The following SLC12A4 variants were observed in gnomAD, a reference collection of about 807,000 sequenced individuals.
SLC12A4 encodes solute carrier family 12 member 4.
SLC12A4 carries 84 observed loss-of-function variants against 119.2 expected under a neutral mutation model. The observed-to-expected ratio is 0.70, with a 90% CI of 0.59 to 0.85. The LOEUF (loss-of-function observed/expected upper bound fraction) is 0.85. SLC12A4 is among the 40% of genes least tolerant of loss of function. The probability of loss-of-function intolerance (pLI) is 0.00; values close to 1 mark genes in which losing one functional copy is unlikely to be tolerated. For synonymous variants in SLC12A4, 599 were observed against 604.6 expected (o/e 0.99, Z 0.14); for missense variants, 1,298 against 1,476.3 (o/e 0.88, Z 1.98).
chr16:67,967,665 C>A (rs1359557013), intron 1 of SLC12A4, among the ~76,000 whole-genome samples: 1 of 152,094 alleles, frequency 6.6e-6, no homozygotes, highest in African/African-American at 2.4e-5. Flanking sequence ...ATGGGGCTTA[C>A]CTCTCGGCCC....
At position 67,945,989 on chromosome 16, in the gene SLC12A4, G is replaced by A. The variant is rs2058341427; in HGVS notation, c.2701C>T (p.His901Tyr). The A allele has an allele frequency of 1.2e-6, 2 of 1,613,956 alleles. No homozygotes were observed. The highest frequency in any genetic ancestry group is 1.1e-5 in the South Asian group (1 of 91,094). ...MKKDLAVFLY[H>Y]LRLEAEVEVV... Reference sequence around the variant, plus strand: ...TCCACCTCGGCCTCAAGGCGCAGATGGTACAGAAAGACAGCCAGGTCCTTC... The same window carrying A: ...TCCACCTCGGCCTCAAGGCGCAGATAGTACAGAAAGACAGCCAGGTCCTTC... The change falls in exon 20 of 24, where the codon CAT becomes TAT. Residue 901 changes from histidine to tyrosine, a missense_variant. By Grantham distance (83) the His-to-Tyr change is moderately conservative. Transcript: ENST00000316341.
chr16:67,963,972 G>T, intron 1 of SLC12A4: 4 of 1,551,424 alleles, frequency 2.6e-6, no homozygotes, highest in African/African-American at 1.4e-5. Flanking sequence ...CTCAGGGACC[G>T]CCCAGGCAGT....
intron 1 of SLC12A4, among the ~76,000 whole-genome samples, 178 bp downstream of exon 1, chr16:67,968,261 A>G (rs905347278): frequency 2.0e-5 from 3 of 151,634 alleles, no homozygotes; most frequent in African/African-American, 4.8e-5. Context: ...GCCGAGGAAA[A>G]TCGTGTCTGC....
Position 67,947,321 on chromosome 16 carries a change from G to A in SLC12A4, c.2072+10C>T, listed in dbSNP as rs373833104. 148 of 1,610,234 alleles carry A rather than the reference G, an allele frequency of 9.2e-5. No homozygotes were observed. Among genetic ancestry groups the A allele is most frequent in the Non-Finnish European group, 1.2e-4 (137 of 1,178,486 alleles). ...CTCTGCGCCCTGGCCAGGGTCTGGC[G>A]GGAACTCACCGCCAGTTCTTGGTGT... On this transcript the variant is annotated intron_variant, in intron 16 of 23. Coordinates refer to ENST00000316341, the MANE Select transcript of SLC12A4 (RefSeq NM_005072.5).
Position 67,952,010 on chromosome 16 carries a change from C to T in SLC12A4, c.945G>A (p.Leu315=). 1 of 1,614,026 alleles carries T rather than the reference C, an allele frequency of 6.2e-7. No individual in the cohort carries two copies. The highest frequency in any genetic ancestry group is 1.1e-5 in the South Asian group (1 of 91,088). Residue 315 remains leucine (L), a synonymous_variant, in exon 8 of 24, where the codon CTG becomes CTA. Coordinates refer to ENST00000316341, the MANE Select transcript of SLC12A4 (RefSeq NM_005072.5). ...CACAGATGTCAAACTGGTCCCGGGA[C>T]AGGGTCCTGTTGCCCAGCATGCATA... ...FPVCMLGNRT[L]SRDQFDICAK... is the part of the protein sequence containing the mutation.
intron 6 of SLC12A4, among the ~76,000 whole-genome samples, chr16:67,953,746 T>A (rs891512996): frequency 2.0e-5 from 3 of 152,160 alleles, no homozygotes; most frequent in Non-Finnish European, 4.4e-5. Context: ...CAAACATAGA[T>A]GCCAACCTGA....
Position 67,944,257 on chromosome 16 carries a change from G to A in SLC12A4, c.*583C>T. ...AAAGGGGCACAGCCTCAGGGAGCCG[G>A]CTCTGGGCCTGGGTTCAGTTCCGCC... On this transcript the variant is annotated 3_prime_UTR_variant, in exon 24 of 24. Transcript: ENST00000316341. The surrounding 1 kb of genome is among the most constrained non-coding windows in gnomAD (Gnocchi z 6.6). 1 of 1,424,592 alleles carries A rather than the reference G, an allele frequency of 7.0e-7. No homozygotes were observed. Among genetic ancestry groups the A allele is most frequent in the Non-Finnish European group, 9.2e-7 (1 of 1,090,070 alleles). 88.2% of individuals were successfully genotyped at this position (1,424,592 alleles called of 1,614,324 possible). A position where few individuals can be genotyped will look rare whatever the true frequency, so the allele number is the denominator to read the frequency against.
At position 67,949,738 on chromosome 16, in the gene SLC12A4, G is replaced by C; in HGVS notation, c.1748+62C>G. On this transcript the variant is annotated intron_variant, in intron 13 of 23. Coordinates refer to ENST00000316341, the MANE Select transcript of SLC12A4 (RefSeq NM_005072.5). The surrounding 1 kb of genome is among the most constrained non-coding windows in gnomAD (Gnocchi z 4.6). ...ACCTCCAACACCAGACGCAGCCACG[G>C]GGAGGTGCTGGGGTTCAGGAAGCCT... 1 of 1,138,474 alleles carries C rather than the reference G, an allele frequency of 8.8e-7. No homozygotes were observed. Among genetic ancestry groups the C allele is most frequent in the East Asian group, 2.4e-5 (1 of 40,978 alleles). 70.5% of individuals were successfully genotyped at this position (1,138,474 alleles called of 1,614,324 possible).
chr16:67,965,326 C>G (rs1456877186), intron 1 of SLC12A4, among the ~76,000 whole-genome samples: 2 of 152,068 alleles, frequency 1.3e-5, no homozygotes, highest in Non-Finnish European at 2.9e-5. Flanking sequence ...AAAAGTGTCT[C>G]CCTTTGATAA....
intron 2 of SLC12A4, chr16:67,962,537 G>A (rs1037357971): frequency 2.6e-5 from 4 of 152,294 alleles, no homozygotes; most frequent in African/African-American, 9.6e-5. Flanking sequence ...GCCCTTGGGG[G>A]CATGTGGAGA....
chr16:67,961,623 C>T lies in SLC12A4; in HGVS notation c.294G>A (p.Glu98=), dbSNP rs761045213. 6.2e-7 allele frequency: 1 copy of T among 1,614,156 alleles called. No homozygotes were observed. Among genetic ancestry groups the T allele is most frequent in the Non-Finnish European group, 8.5e-7 (1 of 1,180,028 alleles). The part of the protein sequence containing the change: ...SYTNLTQGAK[E]HEEAESGEGT... Reference sequence around the variant, plus strand: ...CCTCCCCACTCTCGGCCTCCTCATGCTCTTTGGCGCCCTGGGTGAGGTTGG... The same window carrying T: ...CCTCCCCACTCTCGGCCTCCTCATGTTCTTTGGCGCCCTGGGTGAGGTTGG... The change falls in exon 3 of 24, where the codon GAG becomes GAA. Residue 98 remains glutamate (E), a synonymous_variant. Transcript: ENST00000316341.
Position 67,957,506 on chromosome 16 carries a change from CA to C in SLC12A4, c.544+235del, listed in dbSNP as rs1475796982. On this transcript the variant is annotated intron_variant, in intron 5 of 23. Transcript: ENST00000316341. The stretch of plus-strand genomic sequence containing the variant: ...TTCAAACCCTCTTACAGTAAACATA[CA>C]TTGCCCTTTTTTTTTCTTTTTTGGT... The C allele has an allele frequency of 7.1e-6, 4 of 567,214 alleles. No individual in the cohort carries two copies. The East Asian group carries it at 9.0e-5, about 13-fold the overall frequency. The allele number at this position is 567,214 out of a possible 1,614,324, so 35.1% of individuals were successfully genotyped here.
At chr16:67,963,394 G>T in intron 2 of SLC12A4, 71 bp downstream of exon 2, 1 of 968,574 alleles carries the variant, frequency 1.0e-6, no homozygotes, top group Non-Finnish European at 1.5e-6. Context: ...GGAGGCCCAC[G>T]TGTCCAGCCT....
intron 1 of SLC12A4, among the ~76,000 whole-genome samples, chr16:67,965,660 A>G (rs562351949): frequency 1.3e-5 from 2 of 152,292 alleles, no homozygotes; most frequent in South Asian, 4.2e-4. Flanking sequence ...CTGTATTGCT[A>G]TCCAGAAAAT....
chr16:67,960,619 G>A (rs2030512978), intron 3 of SLC12A4, among the ~76,000 whole-genome samples: 1 of 151,460 alleles, frequency 6.6e-6, no homozygotes, highest in East Asian at 2.0e-4. Flanking sequence ...TACAGCCAGT[G>A]CCAGACGTCA....
In SLC12A4 at chr16:67,944,457, C is replaced by T. The variant is rs1322521190; in HGVS notation, c.*383G>A. 1.6e-6 allele frequency: 2 copies of T among 1,255,402 alleles called. No homozygotes were observed. Among genetic ancestry groups the T allele is most frequent in the African/African-American group, 3.0e-5 (2 of 66,322 alleles). 77.8% of individuals were successfully genotyped at this position (1,255,402 alleles called of 1,614,324 possible). A position where few individuals can be genotyped will look rare whatever the true frequency, so the allele number is the denominator to read the frequency against. ...TCTTCCTGCAGGCAGCTGGGCTGGA[C>T]TCCCTCCCTGGCTACCCTTCCCTTC... On this transcript the variant is annotated 3_prime_UTR_variant, in exon 24 of 24. Coordinates refer to ENST00000316341, the MANE Select transcript of SLC12A4 (RefSeq NM_005072.5). This position sits in a 1 kb window ranked among gnomAD's most constrained non-coding sequence, Gnocchi z 6.6.
Position 67,952,252 on chromosome 16 carries a change from A to G in SLC12A4, c.849T>C (p.Cys283=), listed in dbSNP as rs2029956683. 6.2e-7 allele frequency: 1 copy of G among 1,614,180 alleles called. No homozygotes were observed. Among genetic ancestry groups the G allele is most frequent in the African/African-American group, 1.3e-5 (1 of 75,036 alleles). Residue 283 remains cysteine, a synonymous_variant, in exon 7 of 24, where the codon TGT becomes TGC. Transcript: ENST00000316341. ...AGATGGAGAGGATGGAGATGATCAC[A>G]CAGGCCAGGAAGAGCGAGGCAAATT... ...VNKFASLFLA[C]VIISILSIYA... is the part of the protein sequence containing the mutation.
In SLC12A4 at chr16:67,949,791, C is replaced by T. The variant is rs765498452; in HGVS notation, c.1748+9G>A. 1.3e-6 allele frequency: 2 copies of T among 1,598,408 alleles called. No homozygotes were observed. Among genetic ancestry groups the T allele is most frequent in the Admixed American group, 1.7e-5 (1 of 59,060 alleles). ...CCCCATCCCCCTGCCCTGCCCGGCC[C>T]CAGCTCACATGGATAAGATGGGGGC... On this transcript the variant is annotated intron_variant, in intron 13 of 23. Transcript: ENST00000316341. This position sits in a 1 kb window ranked among gnomAD's most constrained non-coding sequence, Gnocchi z 4.6.
Position 67,946,322 on chromosome 16 carries a change from G to A in SLC12A4, c.2456C>T (p.Thr819Met), listed in dbSNP as rs551137238. The change falls in exon 19 of 24, where the codon ACG becomes ATG. Residue 819 changes from threonine to methionine, a missense_variant. Coordinates refer to ENST00000316341, the MANE Select transcript of SLC12A4 (RefSeq NM_005072.5). ...KTFIDTVRCTTAAHLALLVPK... is the reference protein window; with the variant it reads ...KTFIDTVRCTMAAHLALLVPK... The stretch of plus-strand genomic sequence containing the variant: ...CACGAGCAGGGCCAGGTGGGCAGCC[G>A]TAGTGCAGCGCACGGTGTCTGGGGA... The A allele has an allele frequency of 6.5e-5, 104 of 1,610,558 alleles. No homozygotes were observed. The East Asian group carries it at 1.9e-3, about 29-fold the overall frequency.
Sources: gnomAD v4.1 joint callset for allele counts (sites outside exome capture counted in the v4.1 genomes callset) on GRCh38, gnomAD v4.1.1 for gene constraint, Gnocchi (gnomAD v3.1) non-coding constraint, MANE v1.5 for transcripts, NCBI Gene and HGNC (gene_info 2026-07-23, HGNC 2026-07-21) for gene names.